RAB31: variants seen among roughly 807,000 people sequenced by gnomAD.
RAB31 encodes RAB31, member RAS oncogene family.
A neutral mutation model predicts 25.6 loss-of-function variants in RAB31; 21 were observed. The ratio of observed to expected loss-of-function variants is 0.82; its 90% CI spans 0.58 to 1.18. The LOEUF (loss-of-function observed/expected upper bound fraction) is 1.18. Among genes scored for constraint, RAB31 ranks in the 50% most tolerant of loss-of-function variants. The pLI, the probability that RAB31 is intolerant of heterozygous loss-of-function variation, is 0.00. For missense variants in RAB31, 196 were observed against 250.1 expected (o/e 0.78, Z 1.46); for synonymous variants, 87 against 84.0 (o/e 1.04, Z -0.20).
chr18:9,723,860 T>G (rs2068084121), intron 1 of RAB31: 1 of 152,178 alleles, frequency 6.6e-6, no homozygotes, highest in Non-Finnish European at 1.5e-5. Flanking sequence ...TCCATCCCTA[T>G]AACCCAAACA....
intron 2 of RAB31, among the ~76,000 whole-genome samples, chr18:9,778,901 A>G (rs1459449187): frequency 2.0e-5 from 3 of 152,268 alleles, no homozygotes; most frequent in South Asian, 2.1e-4. Context: ...TATTCTTACA[A>G]TAAAGTAAGC....
intron 5 of RAB31, among the ~76,000 whole-genome samples, chr18:9,841,991 A>C (rs1404604242): frequency 1.3e-5 from 2 of 152,060 alleles, no homozygotes; most frequent in African/African-American, 4.8e-5. Context: ...CTAATGCAGG[A>C]GCTTAGGCCC....
At chr18:9,829,390 G>A (rs934982528) in intron 5 of RAB31, among the ~76,000 whole-genome samples, 23 of 152,204 alleles carry the variant, frequency 1.5e-4, no homozygotes, top group Non-Finnish European at 2.9e-5. Context: ...GGTTAGCTGT[G>A]GTTTCTACAT....
chr18:9,780,130 T>C (rs539868092), intron 2 of RAB31, among the ~76,000 whole-genome samples: 1 of 151,516 alleles, frequency 6.6e-6, no homozygotes, highest in African/African-American at 2.4e-5. Flanking sequence ...GAGCCATGAT[T>C]GTGCCACTCT....
At chr18:9,779,684 C>T (rs575232429) in intron 2 of RAB31, among the ~76,000 whole-genome samples, 1 of 152,278 alleles carries the variant, frequency 6.6e-6, no homozygotes, top group Admixed American at 6.5e-5. Context: ...GAACTGGCAT[C>T]CTGTATTTGT....
chr18:9,728,870 ATAT>A (rs1456113330), intron 1 of RAB31, among the ~76,000 whole-genome samples: 1 of 152,112 alleles, frequency 6.6e-6, no homozygotes. Context: ...ATTTTTGCTA[ATAT>A]TATAGATTAA....
At chr18:9,775,815 G>A (rs2068369484) in intron 2 of RAB31, among the ~76,000 whole-genome samples, 1 of 152,004 alleles carries the variant, frequency 6.6e-6, no homozygotes, top group South Asian at 2.1e-4. Context: ...TTGAGACTGA[G>A]TGTTGCTCTG....
intron 6 of RAB31, among the ~76,000 whole-genome samples, chr18:9,851,626 C>T (rs1052712840): frequency 2.6e-5 from 4 of 152,044 alleles, no homozygotes; most frequent in Non-Finnish European, 4.4e-5. Context: ...CATTGCACAG[C>T]GTGGTTTATT....
chr18:9,773,924 G>T (rs2068358603), intron 1 of RAB31, among the ~76,000 whole-genome samples: 1 of 152,138 alleles, frequency 6.6e-6, no homozygotes, highest in African/African-American at 2.4e-5. Flanking sequence ...GCCTCCCAAA[G>T]TGCTAGGATT....
At chr18:9,737,562 A>G (rs2068156932) in intron 1 of RAB31, among the ~76,000 whole-genome samples, 1 of 152,182 alleles carries the variant, frequency 6.6e-6, no homozygotes, top group Non-Finnish European at 1.5e-5. Flanking sequence ...TATCTGCTAC[A>G]CTAACGAGCA....
At chr18:9,714,236 A>G (rs1286976799) in intron 1 of RAB31, among the ~76,000 whole-genome samples, 1 of 152,220 alleles carries the variant, frequency 6.6e-6, no homozygotes, top group East Asian at 1.9e-4. Context: ...TTTGTGGAAG[A>G]CGATTTTTCC....
chr18:9,811,135 T>A (rs1398646352), intron 3 of RAB31, among the ~76,000 whole-genome samples: 1 of 152,222 alleles, frequency 6.6e-6, no homozygotes, highest in South Asian at 2.1e-4. Context: ...CCAAGTGCGT[T>A]CTGGAATGGG....
chr18:9,765,886 G>A (rs1194925325), intron 1 of RAB31, among the ~76,000 whole-genome samples: 1 of 141,470 alleles, frequency 7.1e-6, no homozygotes, highest in African/African-American at 2.6e-5. Flanking sequence ...CTCTTGTTGG[G>A]TATATAGGAT....
chr18:9,845,240 G>A (rs1216089266), intron 5 of RAB31, among the ~76,000 whole-genome samples: 3 of 152,198 alleles, frequency 2.0e-5, no homozygotes, highest in Non-Finnish European at 4.4e-5. Flanking sequence ...TTTTAATATT[G>A]AGTCATGTAA....
intron 3 of RAB31, among the ~76,000 whole-genome samples, chr18:9,799,146 G>T (rs1201961029): frequency 3.3e-5 from 5 of 152,150 alleles, no homozygotes; most frequent in Admixed American, 1.3e-4. Flanking sequence ...TGAACTCCTG[G>T]CCTCAAGCAA....
chr18:9,761,056 T>C (rs924067404), intron 1 of RAB31, among the ~76,000 whole-genome samples: 2 of 152,172 alleles, frequency 1.3e-5, no homozygotes, highest in African/African-American at 4.8e-5. Flanking sequence ...TACTCTTAGA[T>C]GGAATGACTG....
In RAB31 at chr18:9,801,762, A is replaced by G. The variant is rs565095828; in HGVS notation, c.201+9527A>G. Among the ~76,000 whole-genome samples the G allele has an allele frequency of 1.1e-3, 166 of 152,286 alleles. 5 individuals carry two copies. In the South Asian group the frequency reaches 0.034, roughly 31 times the overall value. On this transcript the variant is annotated intron_variant, in intron 3 of 6. Transcript: ENST00000578921. ...CCAACACTTGTCTTTGCCTAACCTAAGGTCGTAAAGGTTTACTCCTGCATT... is the reference window on the plus strand; with the variant it reads ...CCAACACTTGTCTTTGCCTAACCTAGGGTCGTAAAGGTTTACTCCTGCATT...
chr18:9,785,712 G>C (rs1009061010), intron 2 of RAB31, among the ~76,000 whole-genome samples: 5 of 152,188 alleles, frequency 3.3e-5, no homozygotes, highest in Admixed American at 6.5e-5. Flanking sequence ...CACAGGCCTT[G>C]CTGGGTTTTG....
At chr18:9,741,547 G>C (rs772882976) in intron 1 of RAB31, among the ~76,000 whole-genome samples, 13 of 152,110 alleles carry the variant, frequency 8.5e-5, no homozygotes, top group South Asian at 2.1e-4. Flanking sequence ...TGCCAGCCAC[G>C]CACCATCTGT....
Sources: gnomAD v4.1 joint callset for allele counts (sites outside exome capture counted in the v4.1 genomes callset) on GRCh38, gnomAD v4.1.1 for gene constraint, MANE v1.5 for transcripts, NCBI Gene and HGNC (gene_info 2026-07-23, HGNC 2026-07-21) for gene names.